The following SHC1 variants were observed in gnomAD, a reference collection of about 807,000 sequenced individuals.
SHC1 encodes SHC adaptor protein 1.
In SHC1, 30 loss-of-function variants were observed where a neutral mutation model predicts 55.9. That is an observed-to-expected ratio of 0.54 (90% CI 0.40 to 0.73). The LOEUF (loss-of-function observed/expected upper bound fraction) is 0.73. SHC1 is among the 30% of genes least tolerant of loss of function. SHC1 has a pLI of 0.00. For missense variants in SHC1, 675 were observed against 777.1 expected, an observed-to-expected ratio of 0.87 and a Z score of 1.56; for synonymous variants, 309 against 306.1, an observed-to-expected ratio of 1.01 and a Z score of -0.10.
At position 154,968,516 on chromosome 1, in the gene SHC1, G is replaced by C. The variant is rs111229527; in HGVS notation, c.729C>G (p.Leu243=). The C allele has an allele frequency of 6.2e-7, 1 of 1,614,148 alleles. No individual in the cohort carries two copies. Residue 243 remains leucine (L), a synonymous_variant, in exon 4 of 12, where the codon CTC becomes CTG. Transcript: ENST00000448116. The part of the protein sequence containing the change: ...TLTVSTSSLN[L]MAADCKQIIA... ...CAACCTGTTTGCAGTCTGCGGCCAT[G>C]AGGTTGAGGCTGCTGGTGGAGACGG...
intron 1 of SHC1, 120 bp downstream of exon 1, chr1:154,969,912 T>C (rs1656526138): frequency 1.8e-6 from 2 of 1,112,710 alleles, no homozygotes; most frequent in African/African-American, 1.6e-5. Context: ...GTTTAGGAAA[T>C]AGGACACTGA....
In SHC1 at chr1:154,970,479, C is replaced by T; in HGVS notation, c.48G>A (p.Glu16=). The part of the protein sequence containing the change: ...PKPKYNPLRN[E]SLSSLEEGAS... ...CCCCTTCCTCCAGCGATGACAGAGA[C>T]TCATTCCGGAGTGGATTGTACTTGG... The change falls in exon 1 of 12, where the codon GAG becomes GAA. Residue 16 remains glutamate (E), a synonymous_variant. Coordinates refer to ENST00000448116, the MANE Select transcript of SHC1 (RefSeq NM_001130040.2). The surrounding 1 kb of genome is among the most constrained non-coding windows in gnomAD (Gnocchi z 5.5). 3 of 1,612,182 alleles carry T rather than the reference C, an allele frequency of 1.9e-6. No individual in the cohort carries two copies. The highest frequency in any genetic ancestry group is 3.3e-5 in the Admixed American group (2 of 59,888).
Position 154,970,385 on chromosome 1 carries a change from G to A in SHC1, c.142C>T (p.Pro48Ser), listed in dbSNP as rs191738898. The A allele has an allele frequency of 3.1e-5, 49 of 1,602,994 alleles. No homozygotes were observed. The East Asian group carries it at 1.1e-3, about 36-fold the overall frequency. The change falls in exon 1 of 12, where the codon CCT becomes TCT. Residue 48 changes from proline (P) to serine (S), a missense_variant. Around this residue, in one of 3 missense-constraint regions of SHC1, gnomAD observed 156 missense variants for 159.1 expected, o/e 0.98. Coordinates refer to ENST00000448116, the MANE Select transcript of SHC1 (RefSeq NM_001130040.2). This position sits in a 1 kb window ranked among gnomAD's most constrained non-coding sequence, Gnocchi z 5.5. ...SASSLGPILP[P>S]LPGDDSPTTL... The stretch of plus-strand genomic sequence containing the variant: ...GTGGGACTATCGTCCCCAGGCAGAG[G>A]AGGCAGGATGGGCCCCAGGGATGAA...
rs1290472535 is a variant in SHC1, at chr1:154,963,764, G to A, written c.*39C>T. On this transcript the variant is annotated 3_prime_UTR_variant, in exon 12 of 12. Transcript: ENST00000448116. ...GAGAGTTAGGGAATAGGGTGGAAAG[G>A]ATTGGAGGGCATCTTCTGGAAGAGA... is the stretch of plus-strand genomic sequence containing the variant. 1 of 1,609,866 alleles carries A rather than the reference G, an allele frequency of 6.2e-7. No homozygotes were observed. The highest frequency in any genetic ancestry group is 1.1e-5 in the South Asian group (1 of 90,896).
intron 6 of SHC1, 49 bp from the exon 7 acceptor site, chr1:154,967,846 GCA>G (rs751619044): frequency 6.2e-7 from 1 of 1,609,172 alleles, no homozygotes; most frequent in South Asian, 1.1e-5. Flanking sequence ...CTGGGAGGAG[GCA>G]CAGACAGGGG....
At position 154,966,237 on chromosome 1, in the gene SHC1, G is replaced by A. The variant is rs1246808691; in HGVS notation, c.1183-6C>T. 4 of 1,613,828 alleles carry A rather than the reference G, an allele frequency of 2.5e-6. No homozygotes were observed. Among genetic ancestry groups the A allele is most frequent in the African/African-American group, 2.7e-5 (2 of 74,894 alleles). ...CCAACAGGCTGTCCTACAGGCTGCA[G>A]GGATAAAAATAAGGTGAGACCAGAA... On this transcript the variant is annotated splice_region_variant and splice_polypyrimidine_tract_variant and intron_variant, in intron 8 of 11. Coordinates refer to ENST00000448116, the MANE Select transcript of SHC1 (RefSeq NM_001130040.2).
At chr1:154,965,494 C>G in intron 11 of SHC1, 49 bp downstream of exon 11, 2 of 1,614,070 alleles carry the variant, frequency 1.2e-6, no homozygotes, top group African/African-American at 1.3e-5. Flanking sequence ...CTGTAGGGTA[C>G]TGTACCTTCC....
At chr1:154,969,535 T>G in intron 1 of SHC1, 87 bp from the exon 2 acceptor site, 1 of 833,082 alleles carries the variant, frequency 1.2e-6, no homozygotes, top group Non-Finnish European at 2.0e-6. Context: ...ACCCATATGG[T>G]CCCTAAGGGA....
At chr1:154,974,206 T>G (rs1571466003), upstream of SHC1, 1 of 156,630 alleles carries the variant, frequency 6.4e-6, no homozygotes, top group South Asian at 1.5e-4. Context: ...GGTTCCGGGG[T>G]GAAAGAGTGA....
chr1:154,974,350 C>A (rs1029575162), upstream of SHC1: 32 of 300,992 alleles, frequency 1.1e-4, no homozygotes, highest in Non-Finnish European at 1.9e-4. Flanking sequence ...CCGGGCCCTG[C>A]CTCCCTGGAG....
intron 7 of SHC1, among the ~76,000 whole-genome samples, chr1:154,967,370 G>A (rs945138088): frequency 6.6e-6 from 1 of 152,130 alleles, no homozygotes; most frequent in Non-Finnish European, 1.5e-5. Flanking sequence ...ATGCCAAGCA[G>A]AGAAATGAGC....
intron 2 of SHC1, 27 bp downstream of exon 2, chr1:154,969,351 C>T (rs1188198684): frequency 1.2e-5 from 18 of 1,549,696 alleles, no homozygotes; most frequent in Non-Finnish European, 1.6e-5. Flanking sequence ...TCCCAGGACT[C>T]CCACAATCCA....
chr1:154,968,035 G>A lies in SHC1; in HGVS notation c.805-4C>T, dbSNP rs752502560. ...AGGCGACATACTCGGCTGTGTCCTGGGGAGGAAGGTCAAAAAATTTTACAG... is the reference window on the plus strand; with the variant it reads ...AGGCGACATACTCGGCTGTGTCCTGAGGAGGAAGGTCAAAAAATTTTACAG... On this transcript the variant is annotated splice_region_variant and splice_polypyrimidine_tract_variant and intron_variant, in intron 5 of 11. Transcript: ENST00000448116. 10 of 1,614,004 alleles carry A rather than the reference G, an allele frequency of 6.2e-6. No homozygotes were observed. The South Asian group carries it at 6.6e-5, about 11-fold the overall frequency.
At position 154,963,771 on chromosome 1, in the gene SHC1, G is replaced by A. The variant is rs765052002; in HGVS notation, c.*32C>T. 1 of 1,610,550 alleles carries A rather than the reference G, an allele frequency of 6.2e-7. No individual in the cohort carries two copies. Among genetic ancestry groups the A allele is most frequent in the African/African-American group, 1.3e-5 (1 of 74,856 alleles). The stretch of plus-strand genomic sequence containing the variant: ...AGGGAATAGGGTGGAAAGGATTGGA[G>A]GGCATCTTCTGGAAGAGAGCGCTAG... On this transcript the variant is annotated 3_prime_UTR_variant, in exon 12 of 12. Transcript: ENST00000448116.
At chr1:154,964,521 T>G (rs183064210) in intron 11 of SHC1, among the ~76,000 whole-genome samples, 2 of 152,310 alleles carry the variant, frequency 1.3e-5, no homozygotes, top group Admixed American at 1.3e-4. Flanking sequence ...AGGGTCTCTG[T>G]CACCCAGGCT....
chr1:154,969,280 G>T, intron 2 of SHC1, 98 bp downstream of exon 2: 2 of 791,392 alleles, frequency 2.5e-6, no homozygotes, highest in Admixed American at 2.0e-5. Flanking sequence ...GCAAAGATCA[G>T]CCCCCAGCAG....
rs769804818 is a variant in SHC1 at position 154,969,354 on chromosome 1, AC to A, written c.566+23del. ...TGGCCTCACTAATCCCAGGACTCCCACAATCCACTCCCTCCCCACTAACCTG... is the reference window on the plus strand; with the variant it reads ...TGGCCTCACTAATCCCAGGACTCCCAAATCCACTCCCTCCCCACTAACCTG... On this transcript the variant is annotated intron_variant, in intron 2 of 11. Transcript: ENST00000448116. 7.0e-6 allele frequency: 11 copies of A among 1,570,932 alleles called. No homozygotes were observed. The African/African-American group carries it at 1.2e-4, about 17-fold the overall frequency.
intron 7 of SHC1, among the ~76,000 whole-genome samples, chr1:154,966,741 A>G (rs943484454): frequency 1.3e-5 from 2 of 152,200 alleles, no homozygotes; most frequent in Non-Finnish European, 2.9e-5. Flanking sequence ...AGAGGTGAAA[A>G]GATCTGCCCA....
chr1:154,968,742 G>C lies in SHC1; in HGVS notation c.630+29C>G, dbSNP rs541739608. On this transcript the variant is annotated intron_variant, in intron 3 of 11. Transcript: ENST00000448116. Reference sequence around the variant, plus strand: ...CACTGCCCCTCCACATTTCCCAGCAGCATCCCTATCCCCAAGGACCCCAAG... The same window carrying C: ...CACTGCCCCTCCACATTTCCCAGCACCATCCCTATCCCCAAGGACCCCAAG... 3.1e-5 allele frequency: 50 copies of C among 1,611,400 alleles called. 1 individual carries two copies. In the South Asian group the frequency reaches 4.9e-4, roughly 16 times the overall value.
Sources: gnomAD v4.1 joint callset for allele counts (sites outside exome capture counted in the v4.1 genomes callset) on GRCh38, gnomAD v4.1.1 for gene constraint, gnomAD v4.1.1 regional missense constraint, Gnocchi (gnomAD v3.1) non-coding constraint, MANE v1.5 for transcripts, NCBI Gene and HGNC (gene_info 2026-07-23, HGNC 2026-07-21) for gene names.